Variants in FAM107B observed in about 807,000 individuals in gnomAD.
FAM107B encodes family with sequence similarity 107 member B.
Under a neutral mutation model 31.5 loss-of-function variants are expected in FAM107B, and 21 were observed. The ratio of observed to expected loss-of-function variants is 0.67; its 90% CI spans 0.47 to 0.96. The LOEUF (loss-of-function observed/expected upper bound fraction) is 0.96, where lower values mean the gene tolerates loss of function less well. FAM107B is among the 40% of genes least tolerant of loss of function. The probability of loss-of-function intolerance (pLI) is 0.00; values close to 1 mark genes in which losing one functional copy is unlikely to be tolerated. For missense variants in FAM107B, 452 were observed against 377.1 expected (o/e 1.20, Z -1.64); for synonymous variants, 157 against 141.5 (o/e 1.11, Z -0.78).
At chr10:14,742,859 TTACTG>T (rs1286652554) in intron 1 of FAM107B, among the ~76,000 whole-genome samples, 7 of 152,220 alleles carry the variant, frequency 4.6e-5, no homozygotes, top group African/African-American at 9.6e-5. Flanking sequence ...TCTCCTTTAC[TTACTG>T]TAATCTTCCT....
chr10:14,534,525 C>T (rs1336582685), intron 2 of FAM107B, among the ~76,000 whole-genome samples: 1 of 152,164 alleles, frequency 6.6e-6, no homozygotes, highest in African/African-American at 2.4e-5. Flanking sequence ...ATCCTATCTT[C>T]CGATCAAGCT....
chr10:14,531,798 G>A (rs1307309658), intron 2 of FAM107B, among the ~76,000 whole-genome samples: 3 of 152,164 alleles, frequency 2.0e-5, no homozygotes, highest in South Asian at 4.1e-4. Context: ...TCGCACCATT[G>A]CACTCAGCCT....
intron 2 of FAM107B, among the ~76,000 whole-genome samples, chr10:14,610,855 A>G (rs1852707655): frequency 6.6e-6 from 1 of 152,256 alleles, no homozygotes; most frequent in Non-Finnish European, 1.5e-5. Flanking sequence ...TACTTTGCCA[A>G]TTCTAGAGAG....
At chr10:14,689,939 C>G (rs3107794) in intron 1 of FAM107B, among the ~76,000 whole-genome samples, 120,315 of 151,324 alleles carry the variant, frequency 0.8, 48,003 homozygotes, top group Admixed American at 0.86. Flanking sequence ...ACTCCAGCCT[C>G]GGTGACAGAC....
intron 1 of FAM107B, among the ~76,000 whole-genome samples, chr10:14,715,437 G>A (rs1855758712): frequency 6.6e-6 from 1 of 152,160 alleles, no homozygotes; most frequent in South Asian, 2.1e-4. Context: ...GTTTGTATTA[G>A]TTATCTATCA....
At chr10:14,742,633 C>A (rs1418788515) in intron 1 of FAM107B, among the ~76,000 whole-genome samples, 2 of 152,050 alleles carry the variant, frequency 1.3e-5, no homozygotes, top group Admixed American at 6.5e-5. Flanking sequence ...GAGAGAAAGA[C>A]AAGAGTGACA....
At chr10:14,765,527 G>A (rs1404420406) in intron 1 of FAM107B, among the ~76,000 whole-genome samples, 1 of 152,152 alleles carries the variant, frequency 6.6e-6, no homozygotes, top group African/African-American at 2.4e-5. Context: ...TCTTTTGAAA[G>A]TAGAAAGCTG....
At chr10:14,747,923 G>C (rs56312147) in intron 1 of FAM107B, among the ~76,000 whole-genome samples, 17,896 of 152,130 alleles carry the variant, frequency 0.12, 2,407 homozygotes, top group African/African-American at 0.32. Flanking sequence ...ATCCATCTCT[G>C]CCTGTCCCTC....
chr10:14,685,392 T>C (rs1049156564), intron 1 of FAM107B, among the ~76,000 whole-genome samples: 1 of 152,126 alleles, frequency 6.6e-6, no homozygotes, highest in African/African-American at 2.4e-5. Context: ...CAAGCAATCC[T>C]CCCACCTAGG....
rs777673165 is a variant in FAM107B at position 14,530,323 on chromosome 10, C to T, written c.653+9G>A. 20 of 1,598,022 alleles carry T rather than the reference C, an allele frequency of 1.3e-5. No homozygotes were observed. Among genetic ancestry groups the T allele is most frequent in the Non-Finnish European group, 1.6e-5 (19 of 1,175,412 alleles). On this transcript the variant is annotated intron_variant, in intron 3 of 4. Transcript: ENST00000181796. Reference sequence around the variant, plus strand: ...TTAAAAAAAAAATATGCTCAAGAAACCATTTTACCTTTTTTGATTCATAAG... The same window carrying T: ...TTAAAAAAAAAATATGCTCAAGAAATCATTTTACCTTTTTTGATTCATAAG...
intron 2 of FAM107B, among the ~76,000 whole-genome samples, chr10:14,638,819 C>A (rs959199912): frequency 2.2e-4 from 34 of 152,102 alleles, no homozygotes; most frequent in African/African-American, 8.0e-4. Context: ...CTCTTTAATG[C>A]CCTTTCTATT....
chr10:14,762,752 T>TCACACA (rs1491112835), intron 1 of FAM107B, among the ~76,000 whole-genome samples: 51 of 117,576 alleles, frequency 4.3e-4, no homozygotes, highest in Non-Finnish European at 6.7e-4. Context: ...TGAAACTCTG[T>TCACACA]CTCACACACA....
chr10:14,522,733 C>T (rs1588458707), intron 3 of FAM107B, among the ~76,000 whole-genome samples: 1 of 152,234 alleles, frequency 6.6e-6, no homozygotes, highest in African/African-American at 2.4e-5. Context: ...TGATCTTATG[C>T]ACTAAATGCA....
At chr10:14,732,689 T>C (rs61842975) in intron 1 of FAM107B, among the ~76,000 whole-genome samples, 12,312 of 151,348 alleles carry the variant, frequency 0.081, 607 homozygotes, top group East Asian at 0.14. Context: ...GAGTGCAAAG[T>C]ACAAATATTT....
chr10:14,628,120 T>TGTTTTTTTTGTTTTTTTTG (rs1564606157), intron 2 of FAM107B, among the ~76,000 whole-genome samples: 8 of 123,814 alleles, frequency 6.5e-5, no homozygotes, highest in African/African-American at 2.8e-4. Context: ...TGGTTTTTTT[T>TGTTTTTTTTGTTTTTTTTG]TTTTTTTTTT....
Position 14,651,332 on chromosome 10 carries a change from G to A in FAM107B, c.469+16302C>T, listed in dbSNP as rs1203416459. Among the ~76,000 whole-genome samples the A allele has an allele frequency of 3.9e-5, 6 of 152,316 alleles. No individual in the cohort carries two copies. In the East Asian group the frequency reaches 9.6e-4, roughly 24 times the overall value. On this transcript the variant is annotated intron_variant, in intron 2 of 4. Coordinates refer to ENST00000181796, the MANE Select transcript of FAM107B (RefSeq NM_031453.4). ...AAGATATATCCACACATGGCTGGGCGCAGTGGCTCACGCCTATAATCCCAG... is the reference window on the plus strand; with the variant it reads ...AAGATATATCCACACATGGCTGGGCACAGTGGCTCACGCCTATAATCCCAG...
At chr10:14,603,272 T>C (rs1852464083) in intron 2 of FAM107B, among the ~76,000 whole-genome samples, 1 of 152,150 alleles carries the variant, frequency 6.6e-6, no homozygotes, top group South Asian at 2.1e-4. Flanking sequence ...ATTTCCAAAG[T>C]GATGTTAGGA....
chr10:14,737,388 G>A (rs536940623), intron 1 of FAM107B, among the ~76,000 whole-genome samples: 9 of 152,188 alleles, frequency 5.9e-5, no homozygotes, highest in African/African-American at 1.2e-4. Flanking sequence ...CGAGGTGGGC[G>A]GATTGCCTGA....
intron 2 of FAM107B, among the ~76,000 whole-genome samples, chr10:14,573,616 T>C (rs966026806): frequency 9.3e-5 from 14 of 149,966 alleles, no homozygotes; most frequent in Admixed American, 8.0e-4. Context: ...TGGTGGAATA[T>C]GCCTGTAGTC....
Sources: gnomAD v4.1 joint callset for allele counts (sites outside exome capture counted in the v4.1 genomes callset) on GRCh38, gnomAD v4.1.1 for gene constraint, MANE v1.5 for transcripts, NCBI Gene and HGNC (gene_info 2026-07-23, HGNC 2026-07-21) for gene names.